The following TMEM150C variants were observed in gnomAD, a reference collection of about 807,000 sequenced individuals.
TMEM150C encodes the protein tentonin 3.
Under a neutral mutation model 29.9 loss-of-function variants are expected in TMEM150C, and 10 were observed. The ratio of observed to expected loss-of-function variants is 0.33; its 90% CI spans 0.21 to 0.57. The LOEUF is 0.57. Among genes scored for constraint, TMEM150C ranks in the 20% least tolerant of loss-of-function variants. The pLI, the probability that TMEM150C is intolerant of heterozygous loss-of-function variation, is 0.88. For missense variants in TMEM150C, 251 were observed against 303.6 expected, an observed-to-expected ratio of 0.83 and a Z score of 1.29; for synonymous variants, 101 against 112.5, an observed-to-expected ratio of 0.90 and a Z score of 0.64.
intron 1 of TMEM150C, among the ~76,000 whole-genome samples, chr4:82,522,286 T>C (rs1724513080): frequency 6.6e-6 from 1 of 152,100 alleles, no homozygotes; most frequent in African/African-American, 2.4e-5. Flanking sequence ...AGTGAAACAA[T>C]GTAGAGAGAC....
In TMEM150C at chr4:82,484,036, C is replaced by T. The variant is rs1239382225; in HGVS notation, c.*1475G>A. 1 of 152,116 alleles carries T rather than the reference C, an allele frequency of 6.6e-6. No homozygotes were observed. The highest frequency in any genetic ancestry group is 2.4e-5 in the African/African-American group (1 of 41,410). 9.4% of individuals were successfully genotyped at this position (152,116 alleles called of 1,614,324 possible). ...CGAGCTCCCAACCTCAGGTGATCCG[C>T]CCGCCTCAGCCTCCCAAAGTGCTGG... On this transcript the variant is annotated 3_prime_UTR_variant, in exon 8 of 8. Transcript: ENST00000449862.
intron 1 of TMEM150C, among the ~76,000 whole-genome samples, chr4:82,507,368 G>C (rs773499541): frequency 6.6e-6 from 1 of 152,182 alleles, no homozygotes; most frequent in Admixed American, 6.5e-5. Flanking sequence ...CAGGGAGGTA[G>C]AGTGAAGAGG....
intron 6 of TMEM150C, chr4:82,490,717 G>A (rs1486742318): frequency 8.4e-6 from 3 of 355,974 alleles, no homozygotes; most frequent in African/African-American, 4.3e-5. Flanking sequence ...TGGAGTAGCT[G>A]GGACCACAGG....
At chr4:82,549,735 A>G (rs1560500199) in intron 1 of TMEM150C, among the ~76,000 whole-genome samples, 2 of 152,254 alleles carry the variant, frequency 1.3e-5, no homozygotes, top group Non-Finnish European at 1.5e-5. Context: ...TTGGAGATAT[A>G]TACAACTCCG....
chr4:82,550,257 A>ACT (rs376143202), intron 1 of TMEM150C, among the ~76,000 whole-genome samples: 3 of 150,394 alleles, frequency 2.0e-5, no homozygotes, highest in East Asian at 1.9e-4. Flanking sequence ...ACTCTCATGA[A>ACT]CTCTCTCTCT....
At chr4:82,551,307 G>A (rs759661508) in intron 1 of TMEM150C, among the ~76,000 whole-genome samples, 16 of 151,706 alleles carry the variant, frequency 1.1e-4, no homozygotes, top group African/African-American at 3.6e-4. Context: ...ATTTATCTAC[G>A]GTCTGTCCTC....
At chr4:82,507,845 T>G (rs1273911152) in intron 1 of TMEM150C, among the ~76,000 whole-genome samples, 1 of 140,192 alleles carries the variant, frequency 7.1e-6, no homozygotes, top group African/African-American at 2.6e-5. Context: ...CCTCCTGGGC[T>G]CAAGCGATCC....
At chr4:82,547,287 A>G (rs1381376199) in intron 1 of TMEM150C, among the ~76,000 whole-genome samples, 1 of 137,386 alleles carries the variant, frequency 7.3e-6, no homozygotes, top group African/African-American at 3.3e-5. Flanking sequence ...ACAAACATGA[A>G]AAAAAAAAAA....
intron 6 of TMEM150C, 46 bp downstream of exon 6, chr4:82,496,022 G>A (rs1426874805): frequency 9.9e-6 from 16 of 1,611,888 alleles, no homozygotes; most frequent in Non-Finnish European, 1.3e-5. Flanking sequence ...CAGAAGTGAA[G>A]GTCTTACCAG....
At chr4:82,552,615 C>A (rs932022574) in intron 1 of TMEM150C, among the ~76,000 whole-genome samples, 33 of 152,142 alleles carry the variant, frequency 2.2e-4, no homozygotes, top group African/African-American at 7.5e-4. Flanking sequence ...GCCAGTAGAG[C>A]ACAATGAAAT....
intron 1 of TMEM150C, among the ~76,000 whole-genome samples, chr4:82,535,154 C>T (rs578070911): frequency 2.4e-4 from 37 of 152,244 alleles, no homozygotes; most frequent in African/African-American, 8.9e-4. Context: ...AACAGCATAC[C>T]ACAAACTGGG....
At chr4:82,485,998 A>G (rs1425583551) in intron 7 of TMEM150C, among the ~76,000 whole-genome samples, 1 of 152,088 alleles carries the variant, frequency 6.6e-6, no homozygotes, top group Non-Finnish European at 1.5e-5. Flanking sequence ...TCATTTTTAC[A>G]TGTTCTATTT....
intron 1 of TMEM150C, among the ~76,000 whole-genome samples, chr4:82,525,143 G>A (rs908627524): frequency 4.6e-5 from 7 of 152,160 alleles, no homozygotes; most frequent in Non-Finnish European, 7.3e-5. Flanking sequence ...TCTTGCAAAC[G>A]CAGCTGAGAC....
chr4:82,553,983 C>T (rs1725662119), intron 1 of TMEM150C, among the ~76,000 whole-genome samples: 1 of 152,114 alleles, frequency 6.6e-6, no homozygotes, highest in Non-Finnish European at 1.5e-5. Flanking sequence ...ATCAAAATGT[C>T]ACAGAAAAGA....
chr4:82,505,043 G>A lies in TMEM150C; in HGVS notation c.-10-376C>T, dbSNP rs1219082430. On this transcript the variant is annotated intron_variant, in intron 1 of 7. Coordinates refer to ENST00000449862, the MANE Select transcript of TMEM150C (RefSeq NM_001080506.3). Reference sequence around the variant, plus strand: ...AGACTGTCTCAAAACAAACAAAAAAGAAAGTTTAGTCTAACTGAAAAAAAA... The same window carrying A: ...AGACTGTCTCAAAACAAACAAAAAAAAAAGTTTAGTCTAACTGAAAAAAAA... 2.6e-5 allele frequency among the ~76,000 whole-genome samples: 4 copies of A among 151,992 alleles called. No individual in the cohort carries two copies. In the East Asian group the frequency reaches 7.8e-4, roughly 29 times the overall value.
At chr4:82,533,179 T>C (rs979131804) in intron 1 of TMEM150C, among the ~76,000 whole-genome samples, 2 of 86,780 alleles carry the variant, frequency 2.3e-5, no homozygotes, top group African/African-American at 1.0e-4. Flanking sequence ...TAACTGGTTA[T>C]AACTATAACA....
At position 82,486,335 on chromosome 4, in the gene TMEM150C, T is replaced by TAAAAAAA. The variant is rs527967958; in HGVS notation, c.542-623_542-617dup. ...TGGTGGACAGAGCGAGACTCCATCT[T>TAAAAAAA]AAAAAAAAAAAAAAAAAAAAAAAAA... On this transcript the variant is annotated intron_variant, in intron 7 of 7. Coordinates refer to ENST00000449862, the MANE Select transcript of TMEM150C (RefSeq NM_001080506.3). Among the ~76,000 whole-genome samples the TAAAAAAA allele has an allele frequency of 2.2e-3, 111 of 51,248 alleles. 3 individuals carry two copies. The highest frequency in any genetic ancestry group is 5.8e-3 in the African/African-American group (65 of 11,136). 33.6% of individuals were successfully genotyped at this position (51,248 alleles called of 152,430 possible).
intron 1 of TMEM150C, among the ~76,000 whole-genome samples, chr4:82,529,402 T>A (rs980753010): frequency 6.6e-6 from 1 of 151,754 alleles, no homozygotes; most frequent in Non-Finnish European, 1.5e-5. Context: ...AATCCTCCCA[T>A]CTCAGCCTCC....
At chr4:82,498,813 G>C (rs1400405841) in intron 5 of TMEM150C, among the ~76,000 whole-genome samples, 2 of 152,122 alleles carry the variant, frequency 1.3e-5, no homozygotes, top group Non-Finnish European at 2.9e-5. Context: ...GTAAACACAG[G>C]ACATGCAACA....
Sources: gnomAD v4.1 joint callset for allele counts (sites outside exome capture counted in the v4.1 genomes callset) on GRCh38, gnomAD v4.1.1 for gene constraint, MANE v1.5 for transcripts, NCBI Gene and HGNC (gene_info 2026-07-23, HGNC 2026-07-21) for gene names.